Variants in FLT1 observed in about 807,000 individuals in gnomAD.
FLT1 encodes vascular endothelial growth factor receptor 1.
In FLT1, 49 loss-of-function variants were observed where a neutral mutation model predicts 156.3. The ratio of observed to expected loss-of-function variants is 0.31; its 90% CI spans 0.25 to 0.40. The LOEUF is 0.40. FLT1 is among the 10% of genes least tolerant of loss of function. FLT1 has a pLI of 1.00. For missense variants in FLT1, 1,322 were observed against 1,637.2 expected, an observed-to-expected ratio of 0.81 and a Z score of 3.32; for synonymous variants, 594 against 583.8, an observed-to-expected ratio of 1.02 and a Z score of -0.25.
intron 10 of FLT1, among the ~76,000 whole-genome samples, chr13:28,414,352 T>C (rs1876519190): frequency 1.3e-5 from 2 of 152,254 alleles, no homozygotes; most frequent in Admixed American, 1.3e-4. Context: ...TTGTCCTTTT[T>C]GTGAACTACC....
intron 14 of FLT1, among the ~76,000 whole-genome samples, chr13:28,380,469 C>T (rs1294994195): frequency 6.6e-6 from 1 of 152,032 alleles, no homozygotes; most frequent in African/African-American, 2.4e-5. Flanking sequence ...AAGCCCTTTC[C>T]TAAAGGCTAT....
At chr13:28,440,412 C>T (rs959914818) in intron 3 of FLT1, among the ~76,000 whole-genome samples, 6 of 152,188 alleles carry the variant, frequency 3.9e-5, no homozygotes, top group South Asian at 4.1e-4. Flanking sequence ...CCTTCCCTGG[C>T]GGCACCCTGA....
intron 11 of FLT1, among the ~76,000 whole-genome samples, chr13:28,400,138 A>G (rs1029674882): frequency 2.6e-5 from 4 of 152,252 alleles, no homozygotes; most frequent in Non-Finnish European, 5.9e-5. Flanking sequence ...GTTGAATAAC[A>G]CAGATCTATT....
intron 7 of FLT1, among the ~76,000 whole-genome samples, chr13:28,430,924 A>C (rs2137546165): frequency 6.6e-6 from 1 of 152,342 alleles, no homozygotes; most frequent in East Asian, 1.9e-4. Flanking sequence ...CATCTAAAGA[A>C]AGGACTCTCT....
intron 15 of FLT1, 28 bp downstream of exon 15, chr13:28,357,526 C>G: frequency 6.2e-7 from 1 of 1,613,126 alleles, no homozygotes; most frequent in African/African-American, 1.3e-5. Flanking sequence ...TGACCAATTT[C>G]TTGTTGCTTT....
intron 10 of FLT1, among the ~76,000 whole-genome samples, chr13:28,416,360 C>T (rs917859691): frequency 1.3e-5 from 2 of 152,132 alleles, no homozygotes; most frequent in Middle Eastern, 3.2e-3. Flanking sequence ...TTTTCAGGAT[C>T]GTGAGCTTTT....
At chr13:28,316,773 C>T (rs1428058951) in intron 25 of FLT1, among the ~76,000 whole-genome samples, 1 of 151,678 alleles carries the variant, frequency 6.6e-6, no homozygotes, top group African/African-American at 2.4e-5. Flanking sequence ...CAAGTAGCTG[C>T]CACCAGGCCC....
intron 3 of FLT1, among the ~76,000 whole-genome samples, chr13:28,440,477 C>T (rs770933626): frequency 1.2e-4 from 19 of 152,318 alleles, no homozygotes; most frequent in Middle Eastern, 3.4e-3. Flanking sequence ...GGGCTGCCAG[C>T]AGGTGACAAT....
intron 10 of FLT1, among the ~76,000 whole-genome samples, chr13:28,406,334 G>T (rs1211660450): frequency 6.6e-6 from 1 of 152,102 alleles, no homozygotes; most frequent in Non-Finnish European, 1.5e-5. Flanking sequence ...TTTTTCCAGG[G>T]CTAATTAAGT....
chr13:28,466,561 T>C (rs956312592), intron 3 of FLT1, among the ~76,000 whole-genome samples: 1 of 152,248 alleles, frequency 6.6e-6, no homozygotes, highest in Non-Finnish European at 1.5e-5. Flanking sequence ...AAAAATCATG[T>C]ATTCTATTTT....
chr13:28,335,754 C>T lies in FLT1; in HGVS notation c.2489-1625G>A, dbSNP rs1566292031. ...CCGTAGTGATTACTAAATGACATTC[C>T]TCCCAGAGCATGCAACACGGGCAGA... On this transcript the variant is annotated intron_variant, in intron 17 of 29. Transcript: ENST00000282397. Among the ~76,000 whole-genome samples, 3 of 152,310 alleles carry T rather than the reference C, an allele frequency of 2.0e-5. No individual in the cohort carries two copies. In the East Asian group the frequency reaches 5.8e-4, roughly 29 times the overall value.
intron 13 of FLT1, chr13:28,389,539 G>A (rs2296284): frequency 0.29 from 416,968 of 1,429,566 alleles, 62,563 homozygotes; most frequent in East Asian, 0.41. Flanking sequence ...CAGCCCCCTC[G>A]GCCTGAATGG....
chr13:28,316,706 T>C (rs1020683176), intron 25 of FLT1, among the ~76,000 whole-genome samples: 1 of 151,604 alleles, frequency 6.6e-6, no homozygotes, highest in Non-Finnish European at 1.5e-5. Context: ...TGGCGTGATC[T>C]TGGCTCACTG....
At chr13:28,369,864 C>T (rs111333156) in intron 14 of FLT1, among the ~76,000 whole-genome samples, 1 of 152,200 alleles carries the variant, frequency 6.6e-6, no homozygotes, top group African/African-American at 2.4e-5. Flanking sequence ...AGAGAAAGAA[C>T]AGGAACACTT....
intron 3 of FLT1, among the ~76,000 whole-genome samples, chr13:28,445,294 G>T (rs1475111258): frequency 1.3e-5 from 2 of 152,036 alleles, no homozygotes; most frequent in African/African-American, 2.4e-5. Flanking sequence ...TGGCCAACAT[G>T]GTGAAAACCC....
intron 10 of FLT1, among the ~76,000 whole-genome samples, chr13:28,417,289 T>G (rs1466062630): frequency 6.6e-6 from 1 of 152,232 alleles, no homozygotes; most frequent in Non-Finnish European, 1.5e-5. Context: ...CAAGTTCTTT[T>G]CAACTTTCCA....
At chr13:28,403,203 G>C (rs147153011) in intron 11 of FLT1, among the ~76,000 whole-genome samples, 1 of 152,250 alleles carries the variant, frequency 6.6e-6, no homozygotes, top group African/African-American at 2.4e-5. Context: ...GAGGTGAGCT[G>C]GTTTGTATGT....
chr13:28,309,796 G>C (rs1870919553), intron 27 of FLT1, among the ~76,000 whole-genome samples: 1 of 151,780 alleles, frequency 6.6e-6, no homozygotes, highest in Admixed American at 6.6e-5. Context: ...CAGTGAGGCT[G>C]ACCTGTAATC....
At chr13:28,304,530 C>T (rs1254574018) in intron 29 of FLT1, among the ~76,000 whole-genome samples, 1 of 151,780 alleles carries the variant, frequency 6.6e-6, no homozygotes, top group African/African-American at 2.4e-5. Flanking sequence ...TTAATGAGAG[C>T]TTTATGGAGA....
Sources: gnomAD v4.1 joint callset for allele counts (sites outside exome capture counted in the v4.1 genomes callset) on GRCh38, gnomAD v4.1.1 for gene constraint, MANE v1.5 for transcripts, NCBI Gene and HGNC (gene_info 2026-07-23, HGNC 2026-07-21) for gene names.